The following CTDP1 variants were observed in gnomAD, a reference collection of about 807,000 sequenced individuals.
The protein encoded by CTDP1 is RNA polymerase II subunit A C-terminal domain phosphatase.
CTDP1 carries 47 observed loss-of-function variants against 91.8 expected under a neutral mutation model. The observed-to-expected ratio is 0.51, with a 90% CI of 0.41 to 0.65. CTDP1 has a LOEUF of 0.65. Ranked by LOEUF, CTDP1 falls within the 30% of genes least tolerant of loss-of-function variation. CTDP1 has a pLI of 0.00. For missense variants in CTDP1, 1,272 were observed against 1,373.7 expected, an observed-to-expected ratio of 0.93 and a Z score of 1.17; for synonymous variants, 656 against 598.5, an observed-to-expected ratio of 1.10 and a Z score of -1.40.
At chr18:79,685,818 C>G (rs906916981) in intron 1 of CTDP1, among the ~76,000 whole-genome samples, 3 of 152,168 alleles carry the variant, frequency 2.0e-5, no homozygotes, top group Non-Finnish European at 2.9e-5. Flanking sequence ...CGTTTTCATC[C>G]TGGTACCAAG....
At chr18:79,695,185 A>T in intron 1 of CTDP1, 40 bp from the exon 2 acceptor site, 1 of 1,585,406 alleles carries the variant, frequency 6.3e-7, no homozygotes, top group Non-Finnish European at 8.7e-7. Flanking sequence ...TGATAAACCA[A>T]GAGATTTTAA....
intron 1 of CTDP1, among the ~76,000 whole-genome samples, chr18:79,689,006 C>T (rs2085566090): frequency 6.6e-6 from 1 of 152,242 alleles, no homozygotes; most frequent in Non-Finnish European, 1.5e-5. Flanking sequence ...GAGTTAGTTG[C>T]AGGTGTGATG....
In CTDP1 at chr18:79,725,260, C is replaced by T. The variant is rs117655160; in HGVS notation, c.2418-3647C>T. On this transcript the variant is annotated intron_variant, in intron 10 of 12. Transcript: ENST00000613122. ...CTTGTCACGTTGTGTGCCGTCTGCC[C>T]CCAGGTTTGCTGTGGCTCCCGTGAT... Among the ~76,000 whole-genome samples the T allele has an allele frequency of 2.0e-3, 305 of 152,294 alleles. 12 individuals are homozygous for T. The East Asian group carries it at 0.057, about 28-fold the overall frequency.
rs1310328732 is a variant in CTDP1, at chr18:79,717,963, G to C, written c.2364G>C (p.Gly788=). The C allele has an allele frequency of 1.2e-6, 2 of 1,613,366 alleles. No homozygotes were observed. The highest frequency in any genetic ancestry group is 1.7e-5 in the Admixed American group (1 of 60,024). ...AGCTCATCAGGACGGGCGCCCGGGGGCCCCCAGCACCCTCCAGCTCCCTAC... is the reference window on the plus strand; with the variant it reads ...AGCTCATCAGGACGGGCGCCCGGGGCCCCCCAGCACCCTCCAGCTCCCTAC... ...TGKLIRTGAR[G]PPAPSSSLPI... The change falls in exon 10 of 13, where the codon GGG becomes GGC. Residue 788 remains glycine, a synonymous_variant. Coordinates refer to ENST00000613122, the MANE Select transcript of CTDP1 (RefSeq NM_004715.5).
chr18:79,738,083 C>T (rs2086703129), intron 12 of CTDP1, among the ~76,000 whole-genome samples: 1 of 128,926 alleles, frequency 7.8e-6, no homozygotes, highest in Admixed American at 9.5e-5. Context: ...CTGGGGTGTT[C>T]TCTGTCTCTG....
At chr18:79,685,373 C>T (rs1042070639) in intron 1 of CTDP1, 9 of 152,000 alleles carry the variant, frequency 5.9e-5, no homozygotes, top group African/African-American at 2.2e-4. Flanking sequence ...GTATTTAAAT[C>T]GCCACAGAAA....
At chr18:79,753,143 C>T (rs973284472) in intron 12 of CTDP1, among the ~76,000 whole-genome samples, 1 of 151,734 alleles carries the variant, frequency 6.6e-6, no homozygotes, top group African/African-American at 2.4e-5. Context: ...TGCAGAGGCT[C>T]GTAAGGAAAG....
intron 1 of CTDP1, among the ~76,000 whole-genome samples, chr18:79,694,261 A>T (rs566442891): frequency 1.3e-5 from 1 of 76,072 alleles, no homozygotes; most frequent in Non-Finnish European, 2.6e-5. Flanking sequence ...TGTGGGGGCT[A>T]CAGGCACCTA....
chr18:79,739,776 A>G (rs186263249), intron 12 of CTDP1, among the ~76,000 whole-genome samples: 1,996 of 149,664 alleles, frequency 0.013, 35 homozygotes, highest in African/African-American at 0.041. Context: ...ACCCGCCGCC[A>G]GGACGGGTGG....
chr18:79,694,064 G>A (rs879397566), intron 1 of CTDP1, among the ~76,000 whole-genome samples: 2 of 152,258 alleles, frequency 1.3e-5, no homozygotes, highest in South Asian at 2.1e-4. Flanking sequence ...GGGGCATCCC[G>A]CCTGGAAAGG....
chr18:79,724,270 A>G (rs914482335), intron 10 of CTDP1, among the ~76,000 whole-genome samples: 3 of 152,234 alleles, frequency 2.0e-5, no homozygotes, highest in Non-Finnish European at 4.4e-5. Flanking sequence ...TTTGGTCTCA[A>G]GCATGTTGGA....
chr18:79,708,868 AT>A (rs1337396094), intron 5 of CTDP1, among the ~76,000 whole-genome samples: 1 of 152,242 alleles, frequency 6.6e-6, no homozygotes, highest in Non-Finnish European at 1.5e-5. Flanking sequence ...GAGAGTAATA[AT>A]TATGTTGTAT....
rs975640535 is a variant in CTDP1, at chr18:79,698,110, C to G, written c.621+122C>G. 3.4e-5 allele frequency: 48 copies of G among 1,418,090 alleles called. No homozygotes were observed. The East Asian group carries it at 9.2e-4, about 27-fold the overall frequency. 87.8% of individuals were successfully genotyped at this position (1,418,090 alleles called of 1,614,324 possible). On this transcript the variant is annotated intron_variant, in intron 4 of 12. Transcript: ENST00000613122. ...CGTAGGTCAGCCTGGGTTTGGAAAG[C>G]AGACTTGCTAGTTCTGGGCGTGGGC...
At chr18:79,730,017 G>A (rs1406778709) in intron 11 of CTDP1, among the ~76,000 whole-genome samples, 1 of 152,250 alleles carries the variant, frequency 6.6e-6, no homozygotes. Flanking sequence ...CAGCTCCTGT[G>A]TATCTTCAAC....
At chr18:79,685,947 A>T (rs1165469751) in intron 1 of CTDP1, among the ~76,000 whole-genome samples, 7 of 152,224 alleles carry the variant, frequency 4.6e-5, no homozygotes. Flanking sequence ...ATGATACTTT[A>T]AAAAAGATAT....
At position 79,697,977 on chromosome 18, in the gene CTDP1, A is replaced by G. The variant is rs936760057; in HGVS notation, c.610A>G (p.Met204Val). 1.2e-6 allele frequency: 2 copies of G among 1,614,114 alleles called. No homozygotes were observed. The highest frequency in any genetic ancestry group is 2.7e-5 in the African/African-American group (2 of 74,934). The change falls in exon 4 of 13, where the codon ATG (methionine) becomes GTG (valine). Residue 204 changes from methionine to valine, a missense_variant. By Grantham distance (21) the Met-to-Val change is conservative. Coordinates refer to ENST00000613122, the MANE Select transcript of CTDP1 (RefSeq NM_004715.5). The part of the protein sequence containing the change: ...IHTTEQHCQQ[M>V]SNKGIFHFQL... ...CACAACCGAGCAGCACTGTCAGCAG[A>G]TGTCGAATAAAGTGAGTGCAGTCAG... is the stretch of plus-strand genomic sequence containing the variant.
intron 10 of CTDP1, among the ~76,000 whole-genome samples, chr18:79,725,897 T>G (rs1352515335): frequency 6.6e-6 from 1 of 152,202 alleles, no homozygotes; most frequent in African/African-American, 2.4e-5. Context: ...TCTTTGACCG[T>G]TTTTCCTGTA....
upstream of CTDP1, chr18:79,679,718 G>A (rs1000259983): frequency 2.0e-5 from 10 of 507,992 alleles, no homozygotes; most frequent in African/African-American, 1.2e-4. Flanking sequence ...GACGGAGCCG[G>A]CTCCGGCCCC....
At chr18:79,686,058 CAG>C (rs948926601) in intron 1 of CTDP1, among the ~76,000 whole-genome samples, 18 of 152,188 alleles carry the variant, frequency 1.2e-4, no homozygotes, top group African/African-American at 4.3e-4. Flanking sequence ...TTTCACCTAA[CAG>C]AAAACCACTG....
Sources: allele counts gnomAD v4.1 joint callset (sites outside exome capture counted in the v4.1 genomes callset), GRCh38; gene constraint gnomAD v4.1.1; transcripts MANE v1.5; gene names NCBI Gene and HGNC (gene_info 2026-07-23, HGNC 2026-07-21).